The following WDPCP variants were observed in gnomAD, a reference collection of about 807,000 sequenced individuals.
The protein encoded by WDPCP is WD repeat-containing and planar cell polarity effector protein fritz homolog.
A neutral mutation model predicts 93.1 loss-of-function variants in WDPCP; 71 were observed. That is an observed-to-expected ratio of 0.76 (90% CI 0.63 to 0.93). WDPCP has a LOEUF of 0.93. WDPCP is among the 40% of genes least tolerant of loss of function. WDPCP has a pLI of 0.00. For synonymous variants in WDPCP, 315 were observed against 315.0 expected, an observed-to-expected ratio of 1.00 and a Z score of 0.00; for missense variants, 844 against 887.4, an observed-to-expected ratio of 0.95 and a Z score of 0.62.
At chr2:63,242,647 C>T (rs1015150642) in intron 14 of WDPCP, among the ~76,000 whole-genome samples, 7 of 152,110 alleles carry the variant, frequency 4.6e-5, no homozygotes, top group Admixed American at 2.0e-4. Context: ...TGCTATTCTT[C>T]AAATCTCAGT....
intron 1 of WDPCP, among the ~76,000 whole-genome samples, chr2:63,542,442 T>C (rs911296944): frequency 2.0e-5 from 3 of 152,208 alleles, no homozygotes; most frequent in African/African-American, 7.2e-5. Context: ...CCCATTTTCA[T>C]GGCTATTCAG....
chr2:63,800,906 T>A (rs1046242317), intron 2 of WDPCP, among the ~76,000 whole-genome samples: 1 of 151,808 alleles, frequency 6.6e-6, no homozygotes, highest in East Asian at 1.9e-4. Flanking sequence ...ACTTAAAAAT[T>A]AGCCAGGCAT....
chr2:63,199,549 G>A (rs1574855822), intron 14 of WDPCP, among the ~76,000 whole-genome samples: 1 of 152,218 alleles, frequency 6.6e-6, no homozygotes, highest in South Asian at 2.1e-4. Flanking sequence ...CAAGCCCTAA[G>A]CCTTGGTGGC....
chr2:63,187,660 T>A (rs541701426), intron 14 of WDPCP, among the ~76,000 whole-genome samples: 1 of 152,338 alleles, frequency 6.6e-6, no homozygotes, highest in East Asian at 1.9e-4. Flanking sequence ...TTATATATAT[T>A]GTGTACCAAT....
At chr2:63,681,835 CAG>C (rs1385096380) in intron 2 of WDPCP, among the ~76,000 whole-genome samples, 1 of 152,210 alleles carries the variant, frequency 6.6e-6, no homozygotes, top group South Asian at 2.1e-4. Flanking sequence ...TGGCTTACCA[CAG>C]AGAGAGACCC....
intron 3 of WDPCP, among the ~76,000 whole-genome samples, chr2:63,621,359 CA>C (rs1167814949): frequency 1.3e-5 from 2 of 151,764 alleles, no homozygotes; most frequent in African/African-American, 4.8e-5. Context: ...AAAAACAGCA[CA>C]AGAACTTCGT....
chr2:63,227,712 T>G (rs930879348), intron 14 of WDPCP, among the ~76,000 whole-genome samples: 13 of 152,090 alleles, frequency 8.5e-5, no homozygotes, highest in African/African-American at 2.9e-4. Context: ...AACTCTGTAG[T>G]TGTAAATATG....
chr2:63,659,395 C>T (rs189007927), intron 2 of WDPCP, among the ~76,000 whole-genome samples: 3 of 152,296 alleles, frequency 2.0e-5, no homozygotes, highest in Non-Finnish European at 4.4e-5. Flanking sequence ...TTAAGTTAAG[C>T]ATCTTAAAAG....
chr2:63,474,639 G>T (rs1016337741), intron 6 of WDPCP, among the ~76,000 whole-genome samples: 2 of 152,076 alleles, frequency 1.3e-5, no homozygotes, highest in Non-Finnish European at 2.9e-5. Context: ...AAAACCATCT[G>T]TATCTGAGAG....
chr2:63,836,696 T>TA, the WDPCP span, among the ~76,000 whole-genome samples: 1 of 152,164 alleles, frequency 6.6e-6, no homozygotes, highest in South Asian at 2.1e-4. Flanking sequence ...AATTTGGAGA[T>TA]ACAGTTTTGC....
At chr2:63,597,420 A>G in intron 3 of WDPCP, 1 of 1,444,878 alleles carries the variant, frequency 6.9e-7, no homozygotes, top group Non-Finnish European at 9.2e-7. Context: ...ACAGATAAAG[A>G]AGACGTTGCC....
chr2:63,622,066 CTTTT>C (rs33925505), intron 3 of WDPCP: 1,972 of 526,816 alleles, frequency 3.7e-3, no homozygotes, highest in South Asian at 4.4e-3. Context: ...TTTCTTTTTT[CTTTT>C]TTTTTTTTTT....
At chr2:63,287,038 C>T (rs1023939795) in intron 13 of WDPCP, among the ~76,000 whole-genome samples, 1 of 152,224 alleles carries the variant, frequency 6.6e-6, no homozygotes, top group Non-Finnish European at 1.5e-5. Flanking sequence ...AACCTCTCTC[C>T]TTGGCTTGTA....
chr2:63,327,388 T>C (rs1225360638), intron 12 of WDPCP, among the ~76,000 whole-genome samples: 2 of 152,212 alleles, frequency 1.3e-5, no homozygotes, highest in African/African-American at 4.8e-5. Context: ...CAACTAAAGT[T>C]TGCTAAAACT....
At position 63,172,908 on chromosome 2, in the gene WDPCP, C is replaced by A. The variant is rs555865488; in HGVS notation, c.2078+1762G>T. ...ATTTGGGTGTGAAGGAAGAAAGAAG[C>A]ATAAGGAGGAAAATACTGGACAAGA... is the stretch of plus-strand genomic sequence containing the variant. On this transcript the variant is annotated intron_variant, in intron 15 of 17. Transcript: ENST00000272321. 3.9e-5 allele frequency among the ~76,000 whole-genome samples: 6 copies of A among 152,084 alleles called. No homozygotes were observed. The South Asian group carries it at 1.2e-3, about 32-fold the overall frequency.
chr2:63,588,833 A>C (rs1043579232), upstream of WDPCP: 3 of 635,576 alleles, frequency 4.7e-6, no homozygotes, highest in Non-Finnish European at 8.2e-6. Flanking sequence ...TGGTATCGGG[A>C]AGTGTAGTTC....
intron 2 of WDPCP, among the ~76,000 whole-genome samples, chr2:63,706,266 C>T (rs1206127061): frequency 2.0e-5 from 3 of 152,142 alleles, no homozygotes; most frequent in Non-Finnish European, 4.4e-5. Context: ...CAGTCTGTGC[C>T]TTTTAATTGG....
At chr2:63,784,719 A>G (rs1670443135) in intron 2 of WDPCP, among the ~76,000 whole-genome samples, 1 of 152,112 alleles carries the variant, frequency 6.6e-6, no homozygotes, top group South Asian at 2.1e-4. Flanking sequence ...GCAATCTGAG[A>G]TGTTTTAAGA....
At chr2:63,201,259 C>A (rs968120174) in intron 14 of WDPCP, among the ~76,000 whole-genome samples, 4 of 152,100 alleles carry the variant, frequency 2.6e-5, no homozygotes, top group Admixed American at 6.5e-5. Context: ...CTGAGGCCTC[C>A]CCAGCCATGC....
Sources: allele counts gnomAD v4.1 joint callset (sites outside exome capture counted in the v4.1 genomes callset), GRCh38; gene constraint gnomAD v4.1.1; transcripts MANE v1.5; gene names NCBI Gene and HGNC (gene_info 2026-07-23, HGNC 2026-07-21).